TENM4: variants seen among roughly 807,000 people sequenced by gnomAD.
TENM4 encodes the protein teneurin transmembrane protein 4.
A neutral mutation model predicts 243.3 loss-of-function variants in TENM4; 82 were observed. That is an observed-to-expected ratio of 0.34 (90% CI 0.28 to 0.40). TENM4 has a LOEUF of 0.40. TENM4 is among the 10% of genes least tolerant of loss of function. The pLI, the probability that TENM4 is intolerant of heterozygous loss-of-function variation, is 1.00. For synonymous variants in TENM4, 1,412 were observed against 1,456.3 expected, an observed-to-expected ratio of 0.97 and a Z score of 0.69; for missense variants, 3,138 against 3,673.3, an observed-to-expected ratio of 0.85 and a Z score of 3.77.
At chr11:79,209,604 C>T (rs1208897595) in intron 3 of TENM4, among the ~76,000 whole-genome samples, 1 of 152,196 alleles carries the variant, frequency 6.6e-6, no homozygotes, top group Non-Finnish European at 1.5e-5. Context: ...ATCCTGAGTG[C>T]TCTGAGTAGA....
chr11:79,332,648 ATGT>A (rs1381303329), intron 1 of TENM4, among the ~76,000 whole-genome samples: 1 of 152,180 alleles, frequency 6.6e-6, no homozygotes. Context: ...TGGATATCCA[ATGT>A]TGTTGTTCCC....
chr11:78,765,087 C>T (rs1434082809), intron 18 of TENM4, among the ~76,000 whole-genome samples: 1 of 152,142 alleles, frequency 6.6e-6, no homozygotes, highest in East Asian at 1.9e-4. Flanking sequence ...CTTGGCTTGA[C>T]GACCCATTAG....
intron 9 of TENM4, among the ~76,000 whole-genome samples, chr11:78,881,302 A>G (rs1432895079): frequency 1.3e-5 from 2 of 152,086 alleles, no homozygotes; most frequent in African/African-American, 4.8e-5. Flanking sequence ...GTGCCCTGGG[A>G]GGCTGGTCCA....
chr11:79,289,543 G>A (rs1856318535), intron 2 of TENM4, among the ~76,000 whole-genome samples: 1 of 152,242 alleles, frequency 6.6e-6, no homozygotes, highest in Admixed American at 6.5e-5. Context: ...GACCATCCCA[G>A]CTCCAGAGTT....
At chr11:79,211,574 A>G (rs1017911123) in intron 3 of TENM4, among the ~76,000 whole-genome samples, 1 of 152,252 alleles carries the variant, frequency 6.6e-6, no homozygotes, top group African/African-American at 2.4e-5. Flanking sequence ...AGATACCTCT[A>G]TATAGCCAAA....
At chr11:79,076,973 A>C (rs1320978717) in intron 4 of TENM4, among the ~76,000 whole-genome samples, 2 of 152,188 alleles carry the variant, frequency 1.3e-5, no homozygotes, top group Admixed American at 6.5e-5. Flanking sequence ...CGTGGCTTCC[A>C]AGTGTCAGGG....
intron 6 of TENM4, among the ~76,000 whole-genome samples, chr11:78,992,039 A>G (rs1311275769): frequency 6.6e-6 from 1 of 152,120 alleles, no homozygotes; most frequent in Non-Finnish European, 1.5e-5. Flanking sequence ...TTAACTTCCC[A>G]CTCTGAAGGT....
chr11:79,064,241 C>G (rs1017346646), intron 6 of TENM4, among the ~76,000 whole-genome samples: 24 of 152,192 alleles, frequency 1.6e-4, no homozygotes, highest in Non-Finnish European at 3.4e-4. Flanking sequence ...AACATCTTCC[C>G]TAAACCTCAA....
intron 1 of TENM4, among the ~76,000 whole-genome samples, chr11:79,386,777 AT>A (rs991105256): frequency 6.6e-5 from 10 of 151,248 alleles, no homozygotes; most frequent in Admixed American, 1.3e-4. Context: ...GAGCAAAAAA[AT>A]TTTTTTTTAT....
At chr11:78,689,721 G>A (rs1284435393) in intron 28 of TENM4, among the ~76,000 whole-genome samples, 1 of 152,144 alleles carries the variant, frequency 6.6e-6, no homozygotes, top group Non-Finnish European at 1.5e-5. Context: ...TCAGACTTGG[G>A]TGCTGCACTA....
At chr11:78,950,850 C>A (rs1857095251) in intron 6 of TENM4, among the ~76,000 whole-genome samples, 1 of 152,218 alleles carries the variant, frequency 6.6e-6, no homozygotes, top group African/African-American at 2.4e-5. Flanking sequence ...AACATTCAAA[C>A]CCACACTCTT....
intron 15 of TENM4, among the ~76,000 whole-genome samples, chr11:78,789,515 G>A (rs1334822841): frequency 6.6e-6 from 1 of 152,218 alleles, no homozygotes; most frequent in Non-Finnish European, 1.5e-5. Context: ...TGGTGACTCT[G>A]GAGGCTGGGC....
chr11:78,702,523 C>A, intron 27 of TENM4, 120 bp from the exon 28 acceptor site: 7 of 1,160,356 alleles, frequency 6.0e-6, no homozygotes, highest in Non-Finnish European at 8.5e-6. Context: ...TTGCTTGATC[C>A]TCATGCAGCC....
intron 1 of TENM4, among the ~76,000 whole-genome samples, chr11:79,299,990 T>C (rs1436543872): frequency 6.6e-6 from 1 of 152,178 alleles, no homozygotes; most frequent in African/African-American, 2.4e-5. Context: ...GGAACACAAA[T>C]GGACCCCTGA....
chr11:78,708,246 T>C (rs778594807), intron 27 of TENM4, 115 bp downstream of exon 27: 98 of 1,383,740 alleles, frequency 7.1e-5, no homozygotes, highest in Non-Finnish European at 9.1e-5. Context: ...TGGCACCAAG[T>C]AGGTGCTCTT....
chr11:78,747,205 G>A (rs999998619), intron 19 of TENM4, among the ~76,000 whole-genome samples: 12 of 152,166 alleles, frequency 7.9e-5, no homozygotes, highest in Admixed American at 2.6e-4. Context: ...GGATGTGGAC[G>A]TCCCGTGTGT....
chr11:79,123,037 C>T (rs1263236242), intron 4 of TENM4, among the ~76,000 whole-genome samples: 1 of 152,168 alleles, frequency 6.6e-6, no homozygotes, highest in Non-Finnish European at 1.5e-5. Context: ...CTTCCTGATG[C>T]CAGTGGGGGC....
At chr11:78,810,123 A>C (rs1857467107) in intron 14 of TENM4, among the ~76,000 whole-genome samples, 1 of 152,208 alleles carries the variant, frequency 6.6e-6, no homozygotes. Context: ...GTTAGCATAG[A>C]GCAGAGGGAG....
At chr11:78,823,799 C>G (rs995479143) in intron 12 of TENM4, among the ~76,000 whole-genome samples, 1 of 152,126 alleles carries the variant, frequency 6.6e-6, no homozygotes, top group African/African-American at 2.4e-5. Flanking sequence ...TTGTGTTTTG[C>G]CCCTTGCAAC....
Sources: allele counts gnomAD v4.1 joint callset (sites outside exome capture counted in the v4.1 genomes callset), GRCh38; gene constraint gnomAD v4.1.1; transcripts MANE v1.5; gene names NCBI Gene and HGNC (gene_info 2026-07-23, HGNC 2026-07-21).